The following PMAIP1 variants were observed in gnomAD, a reference collection of about 807,000 sequenced individuals.
PMAIP1 encodes PMA-induced protein 1.
Under a neutral mutation model 3.7 loss-of-function variants are expected in PMAIP1, and 3 were observed. That is an observed-to-expected ratio of 0.82 (90% CI 0.37 to 2.12). The LOEUF (loss-of-function observed/expected upper bound fraction) is 2.12. Ranked by LOEUF, PMAIP1 falls within the 30% of genes most tolerant of loss-of-function variation. The probability of loss-of-function intolerance (pLI) is 0.06; values close to 1 mark genes in which losing one functional copy is unlikely to be tolerated. For missense variants in PMAIP1, 77 were observed against 67.1 expected (o/e 1.15, Z -0.52); for synonymous variants, 29 against 26.2 (o/e 1.11, Z -0.32).
In PMAIP1 at chr18:59,900,120, C is replaced by T; in HGVS notation, c.-58C>T. 1 of 1,520,592 alleles carries T rather than the reference C, an allele frequency of 6.6e-7. No individual in the cohort carries two copies. Among genetic ancestry groups the T allele is most frequent in the Non-Finnish European group, 8.8e-7 (1 of 1,130,590 alleles). The allele number at this position is 1,520,592 out of a possible 1,614,324, so 94.2% of individuals were successfully genotyped here. On this transcript the variant is annotated 5_prime_UTR_variant, in exon 1 of 2. Coordinates refer to ENST00000316660, the MANE Select transcript of PMAIP1 (RefSeq NM_021127.3). ...CGTCCTGCAGCTGTCCGAGGTGCTC[C>T]AGTTGGAGGCTGAGGTTCCCGGGCT...
chr18:59,900,131 T>A lies in PMAIP1; in HGVS notation c.-47T>A. ...TGTCCGAGGTGCTCCAGTTGGAGGC[T>A]GAGGTTCCCGGGCTCTGTAGCTGAG... On this transcript the variant is annotated 5_prime_UTR_variant, in exon 1 of 2. Transcript: ENST00000316660. 1 of 1,540,900 alleles carries A rather than the reference T, an allele frequency of 6.5e-7. No homozygotes were observed. The highest frequency in any genetic ancestry group is 8.7e-7 in the Non-Finnish European group (1 of 1,146,506).
intron 1 of PMAIP1, 89 bp downstream of exon 1, chr18:59,900,324 G>C (rs1693094226): frequency 1.3e-6 from 2 of 1,511,222 alleles, no homozygotes; most frequent in Admixed American, 4.1e-5. Context: ...TCAGCTCGCC[G>C]GGGCTCAAGC....
rs1158182526 is a variant in PMAIP1 at position 59,900,079 on chromosome 18, G to A, written c.-99G>A. The A allele has an allele frequency of 1.5e-6, 2 of 1,329,946 alleles. No individual in the cohort carries two copies. The highest frequency in any genetic ancestry group is 2.1e-6 in the Non-Finnish European group (2 of 967,008). 82.4% of individuals were successfully genotyped at this position (1,329,946 alleles called of 1,614,324 possible). Reference sequence around the variant, plus strand: ...TCCCAGCATCCCTGCCTGCAGGACTGTTCGTGTTCAGCTCGCGTCCTGCAG... The same window carrying A: ...TCCCAGCATCCCTGCCTGCAGGACTATTCGTGTTCAGCTCGCGTCCTGCAG... On this transcript the variant is annotated 5_prime_UTR_variant, in exon 1 of 2. Transcript: ENST00000316660.
rs2055795240 is a variant in PMAIP1 at position 59,904,226 on chromosome 18, T to G, written c.*1473T>G. On this transcript the variant is annotated 3_prime_UTR_variant, in exon 2 of 2. Coordinates refer to ENST00000316660, the MANE Select transcript of PMAIP1 (RefSeq NM_021127.3). ...CAGCTATTTTACCATCTGGTATTTA[T>G]GGTCTAATTTGTATTTAAACATATG... is the stretch of plus-strand genomic sequence containing the variant. 6.6e-6 allele frequency: 1 copy of G among 152,224 alleles called. No individual in the cohort carries two copies. 9.4% of individuals were successfully genotyped at this position (152,224 alleles called of 1,614,324 possible). A position where few individuals can be genotyped will look rare whatever the true frequency, so the allele number is the denominator to read the frequency against.
intron 1 of PMAIP1, among the ~76,000 whole-genome samples, chr18:59,900,961 C>CA (rs1343989374): frequency 1.4e-4 from 21 of 152,216 alleles, no homozygotes; most frequent in African/African-American, 4.8e-4. Context: ...GCCCCCCCCA[C>CA]CTTTTAAGTT....
In PMAIP1 at chr18:59,903,156, G is replaced by A; in HGVS notation, c.*403G>A. 1 of 393,478 alleles carries A rather than the reference G, an allele frequency of 2.5e-6. No individual in the cohort carries two copies. The allele number at this position is 393,478 out of a possible 1,614,324, so 24.4% of individuals were successfully genotyped here. ...GGGAGAAACAGTTCAGTGCATTGTT[G>A]TTGTTGCTGTTTTTGGTGTTTTGCT... is the stretch of plus-strand genomic sequence containing the variant. On this transcript the variant is annotated 3_prime_UTR_variant, in exon 2 of 2. Coordinates refer to ENST00000316660, the MANE Select transcript of PMAIP1 (RefSeq NM_021127.3).
At position 59,904,175 on chromosome 18, in the gene PMAIP1, G is replaced by C. The variant is rs1450392903; in HGVS notation, c.*1422G>C. On this transcript the variant is annotated 3_prime_UTR_variant, in exon 2 of 2. Transcript: ENST00000316660. ...ACTTAAGATTGTTTATTTAGTGGTA[G>C]AGAGTTTTTTTTTTCAGCCTAGAGG... The C allele has an allele frequency of 6.6e-6, 1 of 151,300 alleles. No individual in the cohort carries two copies. Among genetic ancestry groups the C allele is most frequent in the Non-Finnish European group, 1.5e-5 (1 of 67,970 alleles). The allele number at this position is 151,300 out of a possible 1,614,324, so 9.4% of individuals were successfully genotyped here.
At position 59,903,635 on chromosome 18, in the gene PMAIP1, C is replaced by T. The variant is rs1025526043; in HGVS notation, c.*882C>T. The T allele has an allele frequency of 6.6e-6, 1 of 152,096 alleles. No homozygotes were observed. Among genetic ancestry groups the T allele is most frequent in the African/African-American group, 2.4e-5 (1 of 41,426 alleles). The allele number at this position is 152,096 out of a possible 1,614,324, so 9.4% of individuals were successfully genotyped here. ...GATATGAATGTTTCTAAAGAAGTTT[C>T]TAAAGGTTCGGAAAATGCTCCTTGT... On this transcript the variant is annotated 3_prime_UTR_variant, in exon 2 of 2. Coordinates refer to ENST00000316660, the MANE Select transcript of PMAIP1 (RefSeq NM_021127.3).
At chr18:59,900,539 C>T in intron 1 of PMAIP1, 2 of 1,550,550 alleles carry the variant, frequency 1.3e-6, no homozygotes, top group Non-Finnish European at 1.7e-6. Flanking sequence ...TCCTCCTCGC[C>T]ACTTGCCCTT....
intron 1 of PMAIP1, 153 bp downstream of exon 1, chr18:59,900,388 T>C: frequency 6.5e-7 from 1 of 1,548,514 alleles, no homozygotes; most frequent in Non-Finnish European, 8.7e-7. Context: ...GCGCGAGCCT[T>C]AGGGGCGCCT....
At position 59,904,014 on chromosome 18, in the gene PMAIP1, T is replaced by C. The variant is rs1290232740; in HGVS notation, c.*1261T>C. ...TATAATTAAAGTATTTTTCTTTAGT[T>C]TGAAAATGTGTATTAAAGTTACATT... On this transcript the variant is annotated 3_prime_UTR_variant, in exon 2 of 2. Transcript: ENST00000316660. 6.6e-6 allele frequency: 1 copy of C among 152,302 alleles called. No homozygotes were observed. Among genetic ancestry groups the C allele is most frequent in the East Asian group, 1.9e-4 (1 of 5,192 alleles). The allele number at this position is 152,302 out of a possible 1,614,324, so 9.4% of individuals were successfully genotyped here. A position where few individuals can be genotyped will look rare whatever the true frequency, so the allele number is the denominator to read the frequency against.
In PMAIP1 at chr18:59,902,888, G is replaced by A. The variant is rs756920899; in HGVS notation, c.*135G>A. 3.6e-6 allele frequency: 5 copies of A among 1,397,016 alleles called. No individual in the cohort carries two copies. The highest frequency in any genetic ancestry group is 1.2e-5 in the South Asian group (1 of 81,718). 86.5% of individuals were successfully genotyped at this position (1,397,016 alleles called of 1,614,324 possible). A position where few individuals can be genotyped will look rare whatever the true frequency, so the allele number is the denominator to read the frequency against. On this transcript the variant is annotated 3_prime_UTR_variant, in exon 2 of 2. Coordinates refer to ENST00000316660, the MANE Select transcript of PMAIP1 (RefSeq NM_021127.3). ...TGCATTCATGGGTGCCCTTGGAAAC[G>A]GAAGATGGAATACATCAAAGTGAAT...
chr18:59,900,430 CCGGCGGGTA>C lies in PMAIP1; in HGVS notation c.58+210_58+218del. The stretch of plus-strand genomic sequence containing the variant: ...AGTTCTTCGGGGTTTTTCCCCAGGA[CCGGCGGGTA>C]CGGCGGGTACGGCGAGGGACCAAGC... On this transcript the variant is annotated intron_variant, in intron 1 of 1. Coordinates refer to ENST00000316660, the MANE Select transcript of PMAIP1 (RefSeq NM_021127.3). 9.5e-4 allele frequency: 1,459 copies of C among 1,543,896 alleles called. 7 individuals carry two copies. In the African/African-American group the frequency reaches 0.012, roughly 12 times the overall value.
chr18:59,900,415 G>A, intron 1 of PMAIP1, 180 bp downstream of exon 1: 2 of 1,550,294 alleles, frequency 1.3e-6, no homozygotes, highest in Non-Finnish European at 1.7e-6. Flanking sequence ...AGTTCTTCGG[G>A]GTTTTTCCCC....
Position 59,903,044 on chromosome 18 carries a change from A to G in PMAIP1, c.*291A>G, listed in dbSNP as rs913096882. The G allele has an allele frequency of 3.7e-5, 22 of 597,876 alleles. No individual in the cohort carries two copies. The highest frequency in any genetic ancestry group is 3.3e-4 in the African/African-American group (18 of 53,856). 37.0% of individuals were successfully genotyped at this position (597,876 alleles called of 1,614,324 possible). A position where few individuals can be genotyped will look rare whatever the true frequency, so the allele number is the denominator to read the frequency against. ...GTAATTATTGACACATTTCTTTTTT[A>G]CTTAGAGAATCGTTCTAGTGTTTTT... On this transcript the variant is annotated 3_prime_UTR_variant, in exon 2 of 2. Transcript: ENST00000316660.
chr18:59,900,002 T>G lies in PMAIP1; in HGVS notation c.-176T>G. ...TCTCTGGCGCGGGGATCTCAGAGTT[T>G]CCCGGGCACTCACCGTGTGTAGTTG... On this transcript the variant is annotated 5_prime_UTR_variant, in exon 1 of 2. Coordinates refer to ENST00000316660, the MANE Select transcript of PMAIP1 (RefSeq NM_021127.3). The G allele has an allele frequency of 1.8e-6, 1 of 546,288 alleles. No homozygotes were observed. The highest frequency in any genetic ancestry group is 3.3e-5 in the East Asian group (1 of 30,300). The allele number at this position is 546,288 out of a possible 1,614,324, so 33.8% of individuals were successfully genotyped here. A position where few individuals can be genotyped will look rare whatever the true frequency, so the allele number is the denominator to read the frequency against.
Position 59,900,111 on chromosome 18 carries a change from G to T in PMAIP1, c.-67G>T, listed in dbSNP as rs1332573893. 4.7e-6 allele frequency: 7 copies of T among 1,502,620 alleles called. No homozygotes were observed. The East Asian group carries it at 1.7e-4, about 37-fold the overall frequency. 93.1% of individuals were successfully genotyped at this position (1,502,620 alleles called of 1,614,324 possible). A position where few individuals can be genotyped will look rare whatever the true frequency, so the allele number is the denominator to read the frequency against. Reference sequence around the variant, plus strand: ...TTCAGCTCGCGTCCTGCAGCTGTCCGAGGTGCTCCAGTTGGAGGCTGAGGT... The same window carrying T: ...TTCAGCTCGCGTCCTGCAGCTGTCCTAGGTGCTCCAGTTGGAGGCTGAGGT... On this transcript the variant is annotated 5_prime_UTR_variant, in exon 1 of 2. Transcript: ENST00000316660.
rs7240310 is a variant in PMAIP1 at position 59,903,390 on chromosome 18, G to A, written c.*637G>A. On this transcript the variant is annotated 3_prime_UTR_variant, in exon 2 of 2. Coordinates refer to ENST00000316660, the MANE Select transcript of PMAIP1 (RefSeq NM_021127.3). ...TTCATTCAATGTGTTCCTGTTGGGC[G>A]TTACTAGAAACTATGGAAAACTGGA... is the stretch of plus-strand genomic sequence containing the variant. 0.032 allele frequency: 4,971 copies of A among 153,240 alleles called. 256 individuals carry two copies. The highest frequency in any genetic ancestry group is 0.11 in the African/African-American group (4,480 of 41,492). The allele number at this position is 153,240 out of a possible 1,614,324, so 9.5% of individuals were successfully genotyped here. A position where few individuals can be genotyped will look rare whatever the true frequency, so the allele number is the denominator to read the frequency against.
rs1344100592 is a variant in PMAIP1 at position 59,902,855 on chromosome 18, T to C, written c.*102T>C. On this transcript the variant is annotated 3_prime_UTR_variant, in exon 2 of 2. Transcript: ENST00000316660. ...AAGACTGCATTGTAATTGAGAGGAA[T>C]GTGAAGGTGCATTCATGGGTGCCCT... 3 of 1,580,254 alleles carry C rather than the reference T, an allele frequency of 1.9e-6. No individual in the cohort carries two copies. Among genetic ancestry groups the C allele is most frequent in the Non-Finnish European group, 8.6e-7 (1 of 1,159,904 alleles).
Sources: gnomAD v4.1 joint callset for allele counts (sites outside exome capture counted in the v4.1 genomes callset) on GRCh38, gnomAD v4.1.1 for gene constraint, MANE v1.5 for transcripts, NCBI Gene and HGNC (gene_info 2026-07-23, HGNC 2026-07-21) for gene names.